Variants in GOLIM4 observed in about 807,000 individuals in gnomAD.
The protein encoded by GOLIM4 is 130 kDa golgi-localized phosphoprotein.
Under a neutral mutation model 107.4 loss-of-function variants are expected in GOLIM4, and 71 were observed. The ratio of observed to expected loss-of-function variants is 0.66; its 90% CI spans 0.55 to 0.81. The LOEUF (loss-of-function observed/expected upper bound fraction) is 0.81. Ranked by LOEUF, GOLIM4 falls within the 30% of genes least tolerant of loss-of-function variation. The pLI, the probability that GOLIM4 is intolerant of heterozygous loss-of-function variation, is 0.00. For synonymous variants in GOLIM4, 327 were observed against 294.8 expected (o/e 1.11, Z -1.12); for missense variants, 830 against 826.1 (o/e 1.00, Z -0.06).
chr3:168,092,933 TAGAG>T (rs1721985041), intron 1 of GOLIM4, among the ~76,000 whole-genome samples: 1 of 152,322 alleles, frequency 6.6e-6, no homozygotes, highest in Non-Finnish European at 1.5e-5. Flanking sequence ...GCACCATAAT[TAGAG>T]AGGAAATGAC....
intron 4 of GOLIM4, 152 bp from the exon 5 acceptor site, chr3:168,043,681 G>A (rs1385695482): frequency 1.8e-6 from 1 of 549,126 alleles, no homozygotes; most frequent in East Asian, 3.2e-5. Flanking sequence ...GCTTTAATTT[G>A]TGCAGCTTCC....
At chr3:168,072,400 T>G (rs1720879733) in intron 1 of GOLIM4, among the ~76,000 whole-genome samples, 1 of 148,846 alleles carries the variant, frequency 6.7e-6, no homozygotes, top group Admixed American at 6.7e-5. Context: ...AAAAAGGTTC[T>G]GAAAGATTCA....
At chr3:168,033,565 C>T (rs1368591934) in intron 8 of GOLIM4, among the ~76,000 whole-genome samples, 10 of 124,364 alleles carry the variant, frequency 8.0e-5, no homozygotes, top group Non-Finnish European at 1.6e-5. Flanking sequence ...CGAGATTGCG[C>T]CACTGCACTC....
chr3:168,089,979 G>C lies in GOLIM4; in HGVS notation c.187+5120C>G, dbSNP rs1721825281. Reference sequence around the variant, plus strand: ...GATGAGGTTTAGCCATGTTGGCCAGGCTGGTCTCAAACTCCTGATCTCAAG... The same window carrying C: ...GATGAGGTTTAGCCATGTTGGCCAGCCTGGTCTCAAACTCCTGATCTCAAG... On this transcript the variant is annotated intron_variant, in intron 1 of 15. Transcript: ENST00000470487. 2.6e-5 allele frequency among the ~76,000 whole-genome samples: 4 copies of C among 152,206 alleles called. No homozygotes were observed. The South Asian group carries it at 8.3e-4, about 32-fold the overall frequency.
chr3:168,029,067 G>A (rs1236558327), intron 11 of GOLIM4, among the ~76,000 whole-genome samples, 156 bp downstream of exon 11: 1 of 152,188 alleles, frequency 6.6e-6, no homozygotes, highest in Non-Finnish European at 1.5e-5. Flanking sequence ...AGCATGTACT[G>A]TTTAAGAGGA....
At chr3:168,048,434 TTAAAACAGGAA>T in intron 1 of GOLIM4, 69 bp from the exon 2 acceptor site, 2 of 735,774 alleles carry the variant, frequency 2.7e-6, no homozygotes, top group Non-Finnish European at 4.6e-6. Context: ...ACATCAATTT[TTAAAACAGGAA>T]GAAAACAGTG....
At chr3:168,079,339 A>G (rs1264224497) in intron 1 of GOLIM4, among the ~76,000 whole-genome samples, 4 of 152,176 alleles carry the variant, frequency 2.6e-5, no homozygotes, top group African/African-American at 9.7e-5. Flanking sequence ...ATATTGTTTG[A>G]TTTTATTTAC....
chr3:168,023,069 TA>T (rs1717801054), intron 14 of GOLIM4, among the ~76,000 whole-genome samples: 1 of 152,186 alleles, frequency 6.6e-6, no homozygotes, highest in Non-Finnish European at 1.5e-5. Flanking sequence ...GATCATAATA[TA>T]AAATTGAAAA....
rs1718396226 is a variant in GOLIM4, at chr3:168,032,622, C to A, written c.1074G>T (p.Glu358Asp). ...CCTCTGGTGATGGATCGTGTTCCTC[C>A]TCAAGATGTTCTGCTTGCCCGACCT... ...MEQVGQAEHLEEEHDPSPEEQ... is the reference protein window; with the variant it reads ...MEQVGQAEHLDEEHDPSPEEQ... Residue 358 changes from glutamate to aspartate, a missense_variant, in exon 9 of 16, where the codon GAG (glutamate) becomes GAT (aspartate). Transcript: ENST00000470487. 6.2e-7 allele frequency: 1 copy of A among 1,613,916 alleles called. No individual in the cohort carries two copies. Among genetic ancestry groups the A allele is most frequent in the Non-Finnish European group, 8.5e-7 (1 of 1,180,008 alleles).
chr3:168,025,636 A>G (rs1560073159), intron 12 of GOLIM4, among the ~76,000 whole-genome samples: 2 of 152,214 alleles, frequency 1.3e-5, no homozygotes. Context: ...ATTCAAAAGG[A>G]AATGGTCATT....
chr3:168,079,727 T>C (rs1721248715), intron 1 of GOLIM4, among the ~76,000 whole-genome samples: 1 of 152,170 alleles, frequency 6.6e-6, no homozygotes, highest in Non-Finnish European at 1.5e-5. Context: ...ATTTCTTAGG[T>C]ATAAAATATA....
In GOLIM4 at chr3:168,080,100, G is replaced by T. The variant is rs189863142; in HGVS notation, c.187+14999C>A. On this transcript the variant is annotated intron_variant, in intron 1 of 15. Transcript: ENST00000470487. ...CTATGGAAGTATATAATAACAAAAA[G>T]TTTCAAGAATTAGAAGAACAGTTGG... Among the ~76,000 whole-genome samples, 485 of 152,192 alleles carry T rather than the reference G, an allele frequency of 3.2e-3. 5 individuals are homozygous for T. The highest frequency in any genetic ancestry group is 0.011 in the South Asian group (55 of 4,818).
intron 1 of GOLIM4, among the ~76,000 whole-genome samples, chr3:168,089,770 T>TC (rs930115132): frequency 3.6e-4 from 34 of 94,792 alleles, no homozygotes; most frequent in African/African-American, 2.3e-3. Flanking sequence ...TGTTTCTCTC[T>TC]TTTTTTTTTT....
chr3:168,070,320 G>C (rs1040390179), intron 1 of GOLIM4, among the ~76,000 whole-genome samples: 1 of 152,184 alleles, frequency 6.6e-6, no homozygotes, highest in Non-Finnish European at 1.5e-5. Context: ...TTGAACCCGG[G>C]AGGCAGAGGT....
chr3:168,033,622 AAAAAAAAAAAAAAAAAAAAG>A (rs1718468951), intron 8 of GOLIM4, among the ~76,000 whole-genome samples: 2 of 145,236 alleles, frequency 1.4e-5, no homozygotes, highest in Non-Finnish European at 1.5e-5. Flanking sequence ...AAAAAAAAAA[AAAAAAAAAAAAAAAAAAAAG>A]AATGCCATTA....
intron 5 of GOLIM4, 107 bp from the exon 6 acceptor site, chr3:168,041,581 T>G (rs1237991028): frequency 1.6e-6 from 1 of 614,352 alleles, no homozygotes; most frequent in Non-Finnish European, 2.9e-6. Context: ...AGAATTTATT[T>G]TGAACTCAGA....
At chr3:168,029,712 T>C in intron 10 of GOLIM4, 68 bp downstream of exon 10, 1 of 1,564,414 alleles carries the variant, frequency 6.4e-7, no homozygotes, top group Non-Finnish European at 8.7e-7. Flanking sequence ...TGCACAAAAC[T>C]GTTTTTAATT....
intron 14 of GOLIM4, among the ~76,000 whole-genome samples, chr3:168,020,916 C>G (rs1717643702): frequency 6.6e-6 from 1 of 152,134 alleles, no homozygotes; most frequent in South Asian, 2.1e-4. Context: ...TAAGCAGAAG[C>G]CAAATGATAT....
At chr3:168,030,481 G>GTA (rs977494377) in intron 9 of GOLIM4, among the ~76,000 whole-genome samples, 2 of 130,064 alleles carry the variant, frequency 1.5e-5, no homozygotes, top group African/African-American at 5.9e-5. Flanking sequence ...CTCTAGTAAT[G>GTA]TATATACCAA....
Sources: allele counts gnomAD v4.1 joint callset (sites outside exome capture counted in the v4.1 genomes callset), GRCh38; gene constraint gnomAD v4.1.1; transcripts MANE v1.5; gene names NCBI Gene and HGNC (gene_info 2026-07-23, HGNC 2026-07-21).